EPCIP: variants seen among roughly 807,000 people sequenced by gnomAD.
The protein encoded by EPCIP is exosomal polycystin 1 interacting protein, also known as exosomal polycystin-1-interacting protein.
the EPCIP span, among the ~76,000 whole-genome samples, chr21:32,807,045 C>T: frequency 2.6e-3 from 390 of 152,228 alleles, 3 homozygotes; most frequent in African/African-American, 9.1e-3. Flanking sequence ...ACCACAAGAA[C>T]GTTATTGGGA....
At chr21:32,794,378 A>G in the EPCIP span, 1 of 1,614,224 alleles carries the variant, frequency 6.2e-7, no homozygotes, top group Non-Finnish European at 8.5e-7. Context: ...AAAGACACCC[A>G]GAGTGCTGAT....
chr21:32,798,972 AAATAAT>A, the EPCIP span: 1 of 152,132 alleles, frequency 6.6e-6, no homozygotes, highest in Non-Finnish European at 1.5e-5. Flanking sequence ...CCAAAAAATA[AAATAAT>A]AATAATAATG....
At chr21:32,808,610 C>T in the EPCIP span, among the ~76,000 whole-genome samples, 1 of 152,108 alleles carries the variant, frequency 6.6e-6, no homozygotes. Flanking sequence ...TTTTAAAATG[C>T]TTCCTGGGAA....
At chr21:32,800,940 A>G in the EPCIP span, among the ~76,000 whole-genome samples, 2 of 152,154 alleles carry the variant, frequency 1.3e-5, no homozygotes, top group Non-Finnish European at 2.9e-5. Flanking sequence ...CTTACAACCT[A>G]GGTATATCAG....
At chr21:32,810,657 G>C in the EPCIP span, 1 of 471,512 alleles carries the variant, frequency 2.1e-6, no homozygotes, top group African/African-American at 2.0e-5. Flanking sequence ...ATGCTGTCCT[G>C]TGAAGTTAAA....
the EPCIP span, among the ~76,000 whole-genome samples, chr21:32,804,167 T>C: frequency 2.0e-5 from 3 of 152,056 alleles, no homozygotes; most frequent in Non-Finnish European, 4.4e-5. Context: ...AACTCACTAG[T>C]ATATAGTTGG....
At chr21:32,794,271 C>A in the EPCIP span, 8 of 1,614,240 alleles carry the variant, frequency 5.0e-6, no homozygotes, top group Admixed American at 3.3e-5. Flanking sequence ...TAGTCACAAT[C>A]CCGGATGTCC....
the EPCIP span, among the ~76,000 whole-genome samples, chr21:32,801,474 G>T: frequency 1.3e-5 from 2 of 152,196 alleles, no homozygotes; most frequent in Non-Finnish European, 1.5e-5. Context: ...TGTGCCCAGA[G>T]AACTTGGAAT....
the EPCIP span, chr21:32,791,368 A>G: frequency 1.3e-5 from 2 of 152,354 alleles, no homozygotes; most frequent in East Asian, 3.8e-4. Flanking sequence ...TAGGAGGCAT[A>G]TACTTTCTAT....
chr21:32,794,201 G>T, the EPCIP span: 4 of 1,614,274 alleles, frequency 2.5e-6, no homozygotes, highest in Middle Eastern at 1.6e-4. Context: ...ATTGTAGCTG[G>T]TTCGCTCTAC....
chr21:32,803,410 TC>T, the EPCIP span, among the ~76,000 whole-genome samples: 26 of 152,252 alleles, frequency 1.7e-4, no homozygotes, highest in Non-Finnish European at 2.5e-4. Context: ...TGTTCTCAGG[TC>T]CAGTGCCCAC....
At chr21:32,794,616 A>G in the EPCIP span, 2 of 621,138 alleles carry the variant, frequency 3.2e-6, no homozygotes, top group Non-Finnish European at 5.6e-6. Flanking sequence ...CCTGAGCCAC[A>G]GGCAATGCTT....
chr21:32,798,368 C>T, the EPCIP span: 2 of 152,440 alleles, frequency 1.3e-5, no homozygotes, highest in East Asian at 3.9e-4. Flanking sequence ...CACACTCAGT[C>T]CCTGGCCTCG....
the EPCIP span, chr21:32,793,829 T>C: frequency 1.9e-6 from 3 of 1,614,150 alleles, no homozygotes; most frequent in Admixed American, 5.0e-5. Flanking sequence ...GTAAGAAAAG[T>C]CAGGAAAGTT....
At chr21:32,808,680 G>C in the EPCIP span, among the ~76,000 whole-genome samples, 1 of 152,148 alleles carries the variant, frequency 6.6e-6, no homozygotes, top group African/African-American at 2.4e-5. Flanking sequence ...AAAGGACAAT[G>C]GGTGAAATCT....
the EPCIP span, among the ~76,000 whole-genome samples, chr21:32,801,390 G>A: frequency 6.6e-6 from 1 of 152,208 alleles, no homozygotes; most frequent in African/African-American, 2.4e-5. Flanking sequence ...TTTATTGGAT[G>A]CCAGGCAAAT....
chr21:32,796,807 T>G, the EPCIP span: 1 of 348,356 alleles, frequency 2.9e-6, no homozygotes, highest in Non-Finnish European at 5.8e-6. Flanking sequence ...CCAGTAACCC[T>G]GTTATCCCAG....
the EPCIP span, among the ~76,000 whole-genome samples, chr21:32,801,837 C>T: frequency 5.3e-5 from 8 of 151,356 alleles, no homozygotes; most frequent in African/African-American, 1.7e-4. Flanking sequence ...GAGTGAAACT[C>T]ATCTCAAAAG....
the EPCIP span, among the ~76,000 whole-genome samples, chr21:32,802,919 T>C: frequency 2.0e-5 from 3 of 152,194 alleles, no homozygotes; most frequent in African/African-American, 4.8e-5. Context: ...CGTTGTCTCA[T>C]TCTTAGCATC....
Sources: allele counts gnomAD v4.1 joint callset (sites outside exome capture counted in the v4.1 genomes callset), GRCh38; gene constraint gnomAD v4.1.1; transcripts MANE v1.5; gene names NCBI Gene and HGNC (gene_info 2026-07-23, HGNC 2026-07-21).